The following B4GALT5 variants were observed in gnomAD, a reference collection of about 807,000 sequenced individuals.
The protein encoded by B4GALT5 is beta-1,4-galactosyltransferase 5.
Under a neutral mutation model 45.0 loss-of-function variants are expected in B4GALT5, and 11 were observed. The observed-to-expected ratio is 0.24, with a 90% CI of 0.15 to 0.40. The LOEUF (loss-of-function observed/expected upper bound fraction) is 0.40. B4GALT5 is among the 10% of genes least tolerant of loss of function. B4GALT5 has a pLI of 1.00. For synonymous variants in B4GALT5, 185 were observed against 182.9 expected, an observed-to-expected ratio of 1.01 and a Z score of -0.09; for missense variants, 337 against 500.2, an observed-to-expected ratio of 0.67 and a Z score of 3.11.
chr20:49,633,307 C>T lies in B4GALT5; in HGVS notation c.*3005G>A, dbSNP rs1042385273. 1.3e-5 allele frequency: 2 copies of T among 151,362 alleles called. No individual in the cohort carries two copies. The highest frequency in any genetic ancestry group is 3.0e-5 in the Non-Finnish European group (2 of 67,774). 9.4% of individuals were successfully genotyped at this position (151,362 alleles called of 1,614,324 possible). A position where few individuals can be genotyped will look rare whatever the true frequency, so the allele number is the denominator to read the frequency against. On this transcript the variant is annotated 3_prime_UTR_variant, in exon 9 of 9. Coordinates refer to ENST00000371711, the MANE Select transcript of B4GALT5 (RefSeq NM_004776.4). Reference sequence around the variant, plus strand: ...ATTCTTGCAAATACCCCCCCACCCCCCAAAACAGCATGAACAAACGGGGAC... The same window carrying T: ...ATTCTTGCAAATACCCCCCCACCCCTCAAAACAGCATGAACAAACGGGGAC...
intron 7 of B4GALT5, among the ~76,000 whole-genome samples, chr20:49,639,150 GTAATT>G (rs1489180714): frequency 6.6e-6 from 1 of 151,960 alleles, no homozygotes; most frequent in Non-Finnish European, 1.5e-5. Context: ...ATTGTTGTGG[GTAATT>G]TATTTTTATA....
intron 1 of B4GALT5, among the ~76,000 whole-genome samples, chr20:49,668,644 T>G (rs2085702445): frequency 6.6e-6 from 1 of 151,992 alleles, no homozygotes; most frequent in African/African-American, 2.4e-5. Flanking sequence ...GATGGGAATG[T>G]GCTAGAGGCA....
At chr20:49,660,953 G>C (rs2085662545) in intron 1 of B4GALT5, among the ~76,000 whole-genome samples, 1 of 152,200 alleles carries the variant, frequency 6.6e-6, no homozygotes, top group Admixed American at 6.5e-5. Context: ...GTGAGATGCT[G>C]TTTGGTTAAC....
intron 1 of B4GALT5, among the ~76,000 whole-genome samples, chr20:49,664,904 G>C (rs2085682664): frequency 6.6e-6 from 1 of 152,204 alleles, no homozygotes; most frequent in African/African-American, 2.4e-5. Flanking sequence ...ACCAACTGGT[G>C]AACTCAGGTG....
At chr20:49,657,369 C>G (rs1475846696) in intron 1 of B4GALT5, among the ~76,000 whole-genome samples, 1 of 152,138 alleles carries the variant, frequency 6.6e-6, no homozygotes, top group African/African-American at 2.4e-5. Context: ...AATGAGTGTT[C>G]AGATTAACCT....
chr20:49,633,439 G>GTTTTTGTT lies in B4GALT5; in HGVS notation c.*2872_*2873insAACAAAAA. ...ATGCACAAGGTCACATTTGGTTCCT[G>GTTTTTGTT]TTTTTTTTTTTAACATGACAATTTC... On this transcript the variant is annotated 3_prime_UTR_variant, in exon 9 of 9. Transcript: ENST00000371711. The GTTTTTGTT allele has an allele frequency of 6.8e-6, 1 of 146,304 alleles. No individual in the cohort carries two copies. The highest frequency in any genetic ancestry group is 2.0e-4 in the East Asian group (1 of 5,036). 9.1% of individuals were successfully genotyped at this position (146,304 alleles called of 1,614,324 possible).
At chr20:49,699,429 C>A (rs1361526760) in intron 1 of B4GALT5, among the ~76,000 whole-genome samples, 2 of 147,168 alleles carry the variant, frequency 1.4e-5, no homozygotes, top group Non-Finnish European at 3.0e-5. Flanking sequence ...CCCCATATAA[C>A]CATCAAGCAT....
intron 1 of B4GALT5, among the ~76,000 whole-genome samples, chr20:49,704,966 G>T (rs1336890154): frequency 1.3e-5 from 2 of 151,944 alleles, no homozygotes; most frequent in African/African-American, 2.4e-5. Context: ...AATACCCAGG[G>T]TCTAATAATT....
rs527708649 is a variant in B4GALT5, at chr20:49,705,804, T to C, written c.115+7772A>G. On this transcript the variant is annotated intron_variant, in intron 1 of 8. Coordinates refer to ENST00000371711, the MANE Select transcript of B4GALT5 (RefSeq NM_004776.4). ...GGAAAAAAAATTCATACCTAGTTAT[T>C]GGTAAAGTCAGACAGGAGCCCAAAC... 1.4e-4 allele frequency among the ~76,000 whole-genome samples: 22 copies of C among 152,184 alleles called. No homozygotes were observed. In the South Asian group the frequency reaches 3.7e-3, roughly 26 times the overall value.
chr20:49,706,031 A>C (rs2085882462), intron 1 of B4GALT5, among the ~76,000 whole-genome samples: 1 of 151,466 alleles, frequency 6.6e-6, no homozygotes, highest in Non-Finnish European at 1.5e-5. Flanking sequence ...AATACAAAAA[A>C]AAAAAAAAAA....
At chr20:49,679,971 G>C (rs2085757426) in intron 1 of B4GALT5, among the ~76,000 whole-genome samples, 1 of 152,160 alleles carries the variant, frequency 6.6e-6, no homozygotes, top group South Asian at 2.1e-4. Flanking sequence ...CGCTCTCCAA[G>C]ATACCTCTCA....
intron 1 of B4GALT5, among the ~76,000 whole-genome samples, chr20:49,663,981 G>A (rs942870379): frequency 6.6e-6 from 1 of 152,018 alleles, no homozygotes; most frequent in African/African-American, 2.4e-5. Flanking sequence ...TTGTTGAAGA[G>A]GATAGTCAAA....
intron 1 of B4GALT5, among the ~76,000 whole-genome samples, chr20:49,689,824 G>C (rs945460285): frequency 2.6e-5 from 4 of 152,060 alleles, no homozygotes; most frequent in African/African-American, 7.2e-5. Context: ...CTCCTGAAAG[G>C]TTTCCCAAGC....
intron 1 of B4GALT5, among the ~76,000 whole-genome samples, chr20:49,683,345 T>C (rs1340166875): frequency 3.3e-5 from 5 of 151,980 alleles, no homozygotes; most frequent in African/African-American, 9.7e-5. Context: ...GGTTTAATGG[T>C]TGAAAGTATT....
chr20:49,647,037 T>C lies in B4GALT5; in HGVS notation c.292A>G (p.Thr98Ala). 6.2e-7 allele frequency: 1 copy of C among 1,613,930 alleles called. No homozygotes were observed. The highest frequency in any genetic ancestry group is 8.5e-7 in the Non-Finnish European group (1 of 1,179,922). ...DLNHSETFLQ[T>A]TTFLPEDFTY... The stretch of plus-strand genomic sequence containing the variant: ...AAGTCTTCAGGAAGAAATGTTGTAG[T>C]TTGCAGGAAGGTTTCACTGTGGTTC... Residue 98 changes from threonine to alanine, a missense_variant, in exon 3 of 9, where the codon ACT becomes GCT. Around this residue, in one of 2 missense-constraint regions of B4GALT5, gnomAD observed 174 missense variants for 207.4 expected, o/e 0.84. Transcript: ENST00000371711.
chr20:49,707,476 G>A (rs2085889210), intron 1 of B4GALT5, among the ~76,000 whole-genome samples: 1 of 151,836 alleles, frequency 6.6e-6, no homozygotes, highest in Non-Finnish European at 1.5e-5. Context: ...GAAACTGAGT[G>A]TGCTGAGGGA....
chr20:49,662,152 T>C (rs577030889), intron 1 of B4GALT5, among the ~76,000 whole-genome samples: 12 of 152,258 alleles, frequency 7.9e-5, no homozygotes, highest in East Asian at 3.9e-4. Flanking sequence ...TGTGTATCCT[T>C]AATGTTTGCT....
chr20:49,650,085 G>T (rs979441568), intron 2 of B4GALT5, among the ~76,000 whole-genome samples: 7 of 152,080 alleles, frequency 4.6e-5, no homozygotes, highest in Admixed American at 3.9e-4. Context: ...TAACTCTAAT[G>T]ATTCTACTAT....
At chr20:49,657,238 G>C (rs1014364584) in intron 1 of B4GALT5, among the ~76,000 whole-genome samples, 2 of 152,066 alleles carry the variant, frequency 1.3e-5, no homozygotes, top group African/African-American at 4.8e-5. Context: ...GGGAGATTTG[G>C]AAAGAAAAAG....
Sources: gnomAD v4.1 joint callset for allele counts (sites outside exome capture counted in the v4.1 genomes callset) on GRCh38, gnomAD v4.1.1 for gene constraint, gnomAD v4.1.1 regional missense constraint, MANE v1.5 for transcripts, NCBI Gene and HGNC (gene_info 2026-07-23, HGNC 2026-07-21) for gene names.